The following FCHSD2 variants were observed in gnomAD, a reference collection of about 807,000 sequenced individuals.
FCHSD2 encodes FCH and double SH3 domains 2.
In FCHSD2, 38 loss-of-function variants were observed where a neutral mutation model predicts 108.1. The observed-to-expected ratio is 0.35, with a 90% CI of 0.27 to 0.46. The LOEUF (loss-of-function observed/expected upper bound fraction) is 0.46, where lower values mean the gene tolerates loss of function less well. FCHSD2 is among the 20% of genes least tolerant of loss of function. The pLI, the probability that FCHSD2 is intolerant of heterozygous loss-of-function variation, is 1.00. For synonymous variants in FCHSD2, 279 were observed against 314.7 expected (o/e 0.89, Z 1.20); for missense variants, 751 against 897.8 (o/e 0.84, Z 2.09).
chr11:73,044,795 G>C (rs1025629184), intron 3 of FCHSD2, among the ~76,000 whole-genome samples: 1 of 152,156 alleles, frequency 6.6e-6, no homozygotes, highest in African/African-American at 2.4e-5. Flanking sequence ...ATGGGGCTGG[G>C]CACAGTGGCT....
intron 8 of FCHSD2, among the ~76,000 whole-genome samples, chr11:72,935,002 T>G (rs1856272434): frequency 6.6e-6 from 1 of 152,132 alleles, no homozygotes; most frequent in Admixed American, 6.5e-5. Context: ...CCCTTACACA[T>G]TACCTCTGCC....
chr11:72,998,102 G>T (rs1426863495), intron 5 of FCHSD2, among the ~76,000 whole-genome samples: 1 of 152,140 alleles, frequency 6.6e-6, no homozygotes, highest in Non-Finnish European at 1.5e-5. Context: ...AAAACAAAAT[G>T]CTGAAAAAGT....
chr11:72,944,717 T>C (rs1479635196), intron 8 of FCHSD2, among the ~76,000 whole-genome samples: 2 of 152,104 alleles, frequency 1.3e-5, no homozygotes, highest in East Asian at 3.8e-4. Flanking sequence ...GGATACAAAA[T>C]CGATGTGCAA....
In FCHSD2 at chr11:73,103,247, T is replaced by A. The variant is rs981749104; in HGVS notation, c.120-19507A>T. ...GTAGATGGATTTTATTGTATGCAAATTGTCTCAGTAAGATTAAGAAAAAAT... is the reference window on the plus strand; with the variant it reads ...GTAGATGGATTTTATTGTATGCAAAATGTCTCAGTAAGATTAAGAAAAAAT... On this transcript the variant is annotated intron_variant, in intron 2 of 19. Coordinates refer to ENST00000409418, the MANE Select transcript of FCHSD2 (RefSeq NM_014824.3). Among the ~76,000 whole-genome samples the A allele has an allele frequency of 3.3e-5, 5 of 152,150 alleles. No homozygotes were observed. In the East Asian group the frequency reaches 9.6e-4, roughly 29 times the overall value.
chr11:72,884,568 G>GATATATATAAAAGATCATATAT, intron 12 of FCHSD2, among the ~76,000 whole-genome samples: 1 of 146,670 alleles, frequency 6.8e-6, no homozygotes, highest in African/African-American at 2.5e-5. Flanking sequence ...TATATATGAT[G>GATATATATAAAAGATCATATAT]ATATATATAA....
At chr11:72,943,478 T>A (rs1307520289) in intron 8 of FCHSD2, among the ~76,000 whole-genome samples, 1 of 152,122 alleles carries the variant, frequency 6.6e-6, no homozygotes, top group Non-Finnish European at 1.5e-5. Context: ...CAATATGGAT[T>A]ATGGGAAAAC....
At chr11:72,996,672 C>T (rs987553860) in intron 5 of FCHSD2, among the ~76,000 whole-genome samples, 1 of 152,022 alleles carries the variant, frequency 6.6e-6, no homozygotes, top group African/African-American at 2.4e-5. Context: ...AAAACATGAA[C>T]TTTAAAATGT....
At chr11:72,844,016 CA>C (rs1565283579) in intron 14 of FCHSD2, among the ~76,000 whole-genome samples, 2 of 151,854 alleles carry the variant, frequency 1.3e-5, no homozygotes, top group Admixed American at 6.6e-5. Context: ...TCTAAAAAAA[CA>C]AACAAAAAAA....
At chr11:73,034,933 C>T (rs55838097) in intron 3 of FCHSD2, among the ~76,000 whole-genome samples, 2,595 of 152,128 alleles carry the variant, frequency 0.017, 39 homozygotes, top group African/African-American at 0.042. Flanking sequence ...AAGGTCACTC[C>T]ACAGGCAGCT....
intron 2 of FCHSD2, among the ~76,000 whole-genome samples, chr11:73,116,220 T>A (rs1282767787): frequency 6.6e-6 from 1 of 152,220 alleles, no homozygotes; most frequent in East Asian, 1.9e-4. Flanking sequence ...TATTAAATTG[T>A]CCTTGAAGTT....
At chr11:73,139,161 A>G (rs1307630834) in intron 2 of FCHSD2, among the ~76,000 whole-genome samples, 1 of 152,242 alleles carries the variant, frequency 6.6e-6, no homozygotes, top group East Asian at 1.9e-4. Context: ...TATAAACAGC[A>G]ATCCAAACAC....
At position 73,039,927 on chromosome 11, in the gene FCHSD2, T is replaced by C. The variant is rs556284610; in HGVS notation, c.166-24042A>G. Reference sequence around the variant, plus strand: ...TATCCCTAATTAATATTCATGAGGATATCACAAAAGCAGTTATAAAACTAT... The same window carrying C: ...TATCCCTAATTAATATTCATGAGGACATCACAAAAGCAGTTATAAAACTAT... On this transcript the variant is annotated intron_variant, in intron 3 of 19. Coordinates refer to ENST00000409418, the MANE Select transcript of FCHSD2 (RefSeq NM_014824.3). Among the ~76,000 whole-genome samples the C allele has an allele frequency of 7.9e-5, 12 of 151,976 alleles. No homozygotes were observed. The South Asian group carries it at 2.5e-3, about 32-fold the overall frequency.
intron 8 of FCHSD2, among the ~76,000 whole-genome samples, chr11:72,953,181 G>T (rs899377123): frequency 2.0e-5 from 3 of 152,188 alleles, no homozygotes; most frequent in Non-Finnish European, 4.4e-5. Flanking sequence ...AGTTAGAGAA[G>T]AGGAACATTC....
At chr11:72,851,877 C>CT (rs56101807) in intron 13 of FCHSD2, among the ~76,000 whole-genome samples, 89 of 123,446 alleles carry the variant, frequency 7.2e-4, no homozygotes, top group African/African-American at 2.6e-3. Context: ...GTCAGAGTGG[C>CT]TTTTTTTTTT....
chr11:73,051,918 C>CCCA (rs1858912657), intron 3 of FCHSD2, among the ~76,000 whole-genome samples: 1 of 137,886 alleles, frequency 7.3e-6, no homozygotes, highest in East Asian at 2.1e-4. Flanking sequence ...CACACACACC[C>CCCA]CACACACACT....
intron 2 of FCHSD2, among the ~76,000 whole-genome samples, chr11:73,114,892 A>AG (rs1860569247): frequency 2.0e-5 from 3 of 152,146 alleles, no homozygotes; most frequent in African/African-American, 7.2e-5. Context: ...AAACTGAGGG[A>AG]GGGGTGGCAC....
intron 2 of FCHSD2, among the ~76,000 whole-genome samples, chr11:73,107,775 A>G (rs1860380254): frequency 6.6e-6 from 1 of 152,210 alleles, no homozygotes; most frequent in African/African-American, 2.4e-5. Flanking sequence ...AAAGGACAGA[A>G]TCTCATTCTT....
chr11:72,924,973 G>A (rs1337407391), intron 8 of FCHSD2, among the ~76,000 whole-genome samples: 3 of 152,018 alleles, frequency 2.0e-5, no homozygotes, highest in African/African-American at 4.8e-5. Flanking sequence ...TGGTCTTGGT[G>A]GACAATCATA....
intron 1 of FCHSD2, among the ~76,000 whole-genome samples, chr11:73,140,999 G>A (rs1407828762): frequency 3.3e-5 from 5 of 152,218 alleles, no homozygotes; most frequent in Admixed American, 3.3e-4. Context: ...TTAGGCGTTA[G>A]GCAAATGTTT....
Sources: gnomAD v4.1 joint callset for allele counts (sites outside exome capture counted in the v4.1 genomes callset) on GRCh38, gnomAD v4.1.1 for gene constraint, MANE v1.5 for transcripts, NCBI Gene and HGNC (gene_info 2026-07-23, HGNC 2026-07-21) for gene names.